The following GRIA3 variants were observed in gnomAD, a reference collection of about 807,000 sequenced individuals.
GRIA3 encodes the protein glutamate ionotropic receptor AMPA type subunit 3, also known as glutamate receptor 3.
Under a neutral mutation model 63.0 loss-of-function variants are expected in GRIA3, and 3 were observed. That is an observed-to-expected ratio of 0.05 (90% CI 0.02 to 0.12). The LOEUF (loss-of-function observed/expected upper bound fraction) is 0.12, where lower values mean the gene tolerates loss of function less well. Ranked by LOEUF, GRIA3 falls within the 10% of genes least tolerant of loss-of-function variation. The pLI, the probability that GRIA3 is intolerant of heterozygous loss-of-function variation, is 1.00. For missense variants in GRIA3, 347 were observed against 700.9 expected (o/e 0.50, Z 5.70); for synonymous variants, 274 against 257.9 (o/e 1.06, Z -0.60).
intron 3 of GRIA3, among the ~76,000 whole-genome samples, chrX:123,296,968 TAATAG>T (rs1265861409): frequency 9.0e-6 from 1 of 111,705 alleles, no homozygotes; most frequent in African/African-American, 3.2e-5. Flanking sequence ...TTGTGGTATA[TAATAG>T]AAGTTCTTAT....
chrX:123,190,080 G>T (rs1927388137), intron 2 of GRIA3, among the ~76,000 whole-genome samples: 1 of 111,516 alleles, frequency 9.0e-6, no homozygotes, highest in Non-Finnish European at 1.9e-5. Flanking sequence ...TTTGCAATTT[G>T]GTGGGTTTTG....
chrX:123,307,877 G>A (rs1159544866), intron 3 of GRIA3, among the ~76,000 whole-genome samples: 1 of 111,655 alleles, frequency 9.0e-6, no homozygotes, highest in Non-Finnish European at 1.9e-5. Flanking sequence ...TGCTCATTTG[G>A]ACTGAGTACT....
chrX:123,244,358 C>A (rs1216749095), intron 2 of GRIA3, among the ~76,000 whole-genome samples: 2 of 111,332 alleles, frequency 1.8e-5, no homozygotes, highest in African/African-American at 6.5e-5. Context: ...GACTGCTACC[C>A]TATACTCACC....
Position 123,226,658 on chromosome X carries a change from A to G in GRIA3, c.269-26645A>G, listed in dbSNP as rs73549568. ...TTTTTACTTCAATTTGGACTCTGAA[A>G]GAAAAATTATATGAGGAAAGGTGAG... On this transcript the variant is annotated intron_variant, in intron 2 of 15. Coordinates refer to ENST00000620443, the MANE Select transcript of GRIA3 (RefSeq NM_007325.5). Among the ~76,000 whole-genome samples, 285 of 111,935 alleles carry G rather than the reference A, an allele frequency of 2.5e-3. 1 individual carries two copies. Among genetic ancestry groups the G allele is most frequent in the African/African-American group, 8.4e-3 (260 of 30,907 alleles).
chrX:123,311,349 A>G (rs1220080294), intron 3 of GRIA3, among the ~76,000 whole-genome samples: 1 of 112,409 alleles, frequency 8.9e-6, no homozygotes, highest in Non-Finnish European at 1.9e-5. Context: ...AGAAGCTTGC[A>G]TGAAAGAGGA....
intron 5 of GRIA3, among the ~76,000 whole-genome samples, chrX:123,391,179 T>C (rs749882220): frequency 3.6e-5 from 4 of 111,831 alleles, no homozygotes; most frequent in Admixed American, 9.5e-5. Flanking sequence ...TGGAGAAGTA[T>C]TGTGTTCCTT....
At position 123,275,628 on chromosome X, in the gene GRIA3, C is replaced by T. The variant is rs189066582; in HGVS notation, c.508+22086C>T. ...ATCATGTTCTAATTAAATGAACTAA[C>T]CACCACTGGGCTCTTGAAAGTATCC... On this transcript the variant is annotated intron_variant, in intron 3 of 15. Transcript: ENST00000620443. Among the ~76,000 whole-genome samples, 971 of 112,150 alleles carry T rather than the reference C, an allele frequency of 8.7e-3. 15 individuals are homozygous for T. Among genetic ancestry groups the T allele is most frequent in the African/African-American group, 0.029 (906 of 30,870 alleles).
rs185294346 is a variant in GRIA3 at position 123,396,411 on chromosome X, G to A, written c.912+1282G>A. On this transcript the variant is annotated intron_variant, in intron 6 of 15. Transcript: ENST00000620443. ...GTTATGGGTTAAACATACTTTTTTCGTTCAGTTAAGCCACTTACTAGTTAA... is the reference window on the plus strand; with the variant it reads ...GTTATGGGTTAAACATACTTTTTTCATTCAGTTAAGCCACTTACTAGTTAA... Among the ~76,000 whole-genome samples, 259 of 109,699 alleles carry A rather than the reference G, an allele frequency of 2.4e-3. 2 individuals carry two copies. The highest frequency in any genetic ancestry group is 6.3e-4 in the Non-Finnish European group (33 of 52,711).
chrX:123,322,357 A>G (rs1225581763), intron 3 of GRIA3, among the ~76,000 whole-genome samples: 1 of 112,331 alleles, frequency 8.9e-6, no homozygotes, highest in East Asian at 2.8e-4. Context: ...AGCAGTCTGG[A>G]ATCAGAATGA....
chrX:123,374,081 C>G (rs989752333), intron 5 of GRIA3, among the ~76,000 whole-genome samples: 1 of 111,636 alleles, frequency 9.0e-6, no homozygotes, highest in Non-Finnish European at 1.9e-5. Flanking sequence ...TATGGCTAGC[C>G]AGTTTTCTCA....
chrX:123,326,329 G>T, intron 4 of GRIA3, 116 bp downstream of exon 4: 14 of 445,017 alleles, frequency 3.1e-5, no homozygotes, highest in East Asian at 1.4e-4. Context: ...AACAGTTTTT[G>T]ATAGTCTCTC....
intron 2 of GRIA3, among the ~76,000 whole-genome samples, chrX:123,236,499 C>G (rs1227083660): frequency 9.0e-6 from 1 of 111,180 alleles, no homozygotes; most frequent in Non-Finnish European, 1.9e-5. Flanking sequence ...ATTGGTGGTA[C>G]AGTTGGCTGC....
intron 5 of GRIA3, among the ~76,000 whole-genome samples, chrX:123,360,140 T>C (rs1294897614): frequency 9.0e-6 from 1 of 111,043 alleles, no homozygotes; most frequent in Non-Finnish European, 1.9e-5. Flanking sequence ...TCAGAAAATA[T>C]ATATAACTTG....
intron 5 of GRIA3, among the ~76,000 whole-genome samples, chrX:123,377,698 C>G (rs781592881): frequency 9.0e-5 from 10 of 111,600 alleles, no homozygotes; most frequent in Non-Finnish European, 1.7e-4. Flanking sequence ...CAATTTTTGT[C>G]TTTGTGCCAA....
rs763033824 is a variant in GRIA3 at position 123,253,459 on chromosome X, G to A, written c.425G>A (p.Arg142His). The part of the protein sequence containing the change: ...DADVQFVIQM[R>H]PALKGAILSL... ...GATGTGCAGTTTGTCATCCAGATGC[G>A]CCCAGCCTTGAAGGGCGCTATTCTG... The change falls in exon 3 of 16, where the codon CGC becomes CAC. Residue 142 changes from arginine to histidine, a missense_variant. Arg to His is a conservative substitution (Grantham distance 29). Transcript: ENST00000620443. The A allele has an allele frequency of 1.1e-5, 13 of 1,207,572 alleles. No individual in the cohort carries two copies. Among genetic ancestry groups the A allele is most frequent in the Non-Finnish European group, 5.6e-6 (5 of 893,404 alleles).
intron 3 of GRIA3, among the ~76,000 whole-genome samples, chrX:123,318,172 G>A (rs1176237774): frequency 8.9e-6 from 1 of 111,943 alleles, no homozygotes; most frequent in Non-Finnish European, 1.9e-5. Flanking sequence ...GGGGACCCTG[G>A]GCCTGGCCCA....
intron 2 of GRIA3, among the ~76,000 whole-genome samples, chrX:123,239,461 A>G (rs2044318593): frequency 9.3e-6 from 1 of 107,757 alleles, no homozygotes; most frequent in South Asian, 3.9e-4. Flanking sequence ...TGGATGTTTC[A>G]AACCTTGTGG....
chrX:123,197,448 C>A (rs1169047923), intron 2 of GRIA3, among the ~76,000 whole-genome samples: 4 of 111,629 alleles, frequency 3.6e-5, no homozygotes, highest in African/African-American at 1.3e-4. Context: ...TCGCTTGAAC[C>A]CAGGAGACGG....
chrX:123,464,025 T>C (rs2045821774), intron 12 of GRIA3, among the ~76,000 whole-genome samples: 1 of 111,066 alleles, frequency 9.0e-6, no homozygotes. Flanking sequence ...GTGAGAGTTC[T>C]GGAAACAATA....
Sources: allele counts gnomAD v4.1 joint callset (sites outside exome capture counted in the v4.1 genomes callset), GRCh38; gene constraint gnomAD v4.1.1; transcripts MANE v1.5; gene names NCBI Gene and HGNC (gene_info 2026-07-23, HGNC 2026-07-21).